The following CLTB variants were observed in gnomAD, a reference collection of about 807,000 sequenced individuals.
CLTB encodes clathrin light chain B, also known as clathrin, light chain (Lcb).
In CLTB, 10 loss-of-function variants were observed where a neutral mutation model predicts 30.5. The observed-to-expected ratio is 0.33, with a 90% CI of 0.20 to 0.56. The LOEUF is 0.56. Ranked by LOEUF, CLTB falls within the 20% of genes least tolerant of loss-of-function variation. The probability of loss-of-function intolerance (pLI) is 0.91; values close to 1 mark genes in which losing one functional copy is unlikely to be tolerated. For synonymous variants in CLTB, 102 were observed against 120.3 expected, an observed-to-expected ratio of 0.85 and a Z score of 1.00; for missense variants, 261 against 308.3, an observed-to-expected ratio of 0.85 and a Z score of 1.15.
intron 2 of CLTB, among the ~76,000 whole-genome samples, chr5:176,409,659 C>T (rs1757326793): frequency 6.6e-6 from 1 of 152,096 alleles, no homozygotes; most frequent in Admixed American, 6.6e-5. Flanking sequence ...CGTGATCCAC[C>T]CACCTCAGCC....
chr5:176,406,528 G>T, intron 2 of CLTB: 1 of 1,258,964 alleles, frequency 7.9e-7, no homozygotes, highest in South Asian at 1.3e-5. Context: ...AAAGGAGGAT[G>T]ATGGGAGTAT....
chr5:176,406,340 G>A, intron 2 of CLTB: 4 of 1,112,164 alleles, frequency 3.6e-6, no homozygotes, highest in Non-Finnish European at 4.4e-6. Context: ...TAGCTCCCTA[G>A]AATCCCTCTC....
At chr5:176,403,638 G>C (rs1295126340) in intron 2 of CLTB, among the ~76,000 whole-genome samples, 1 of 151,704 alleles carries the variant, frequency 6.6e-6, no homozygotes, top group Non-Finnish European at 1.5e-5. Flanking sequence ...ATTTTTAGTA[G>C]AGACAGGGCT....
chr5:176,397,185 T>A (rs1756563634), intron 4 of CLTB, among the ~76,000 whole-genome samples: 1 of 152,098 alleles, frequency 6.6e-6, no homozygotes. Context: ...ATGCAGCAGT[T>A]CCCTAGACAG....
intron 2 of CLTB, among the ~76,000 whole-genome samples, chr5:176,404,475 G>A (rs1284614810): frequency 1.3e-5 from 2 of 152,206 alleles, no homozygotes; most frequent in East Asian, 3.9e-4. Context: ...GTAGTTAAGT[G>A]ACTAGCCCAC....
intron 2 of CLTB, among the ~76,000 whole-genome samples, chr5:176,403,072 C>T (rs1177623229): frequency 1.8e-4 from 24 of 132,900 alleles, no homozygotes; most frequent in African/African-American, 6.4e-4. Context: ...TTTTTTGAGG[C>T]GGAGTCTCGC....
chr5:176,404,097 C>T (rs546550127), intron 2 of CLTB, among the ~76,000 whole-genome samples: 1 of 152,310 alleles, frequency 6.6e-6, no homozygotes, highest in South Asian at 2.1e-4. Flanking sequence ...AACTCTATCT[C>T]CAAAGAGCCA....
intron 2 of CLTB, chr5:176,406,611 T>C (rs975122386): frequency 7.8e-7 from 1 of 1,289,278 alleles, no homozygotes; most frequent in Non-Finnish European, 1.0e-6. Flanking sequence ...TCCCTGCCCC[T>C]GGCTGTGCCA....
At chr5:176,409,550 A>G (rs1757319696) in intron 2 of CLTB, among the ~76,000 whole-genome samples, 1 of 151,666 alleles carries the variant, frequency 6.6e-6, no homozygotes, top group Non-Finnish European at 1.5e-5. Flanking sequence ...AGTAGCTGGA[A>G]TTACAGGCAC....
intron 1 of CLTB, among the ~76,000 whole-genome samples, chr5:176,414,047 C>T (rs1757578071): frequency 6.6e-6 from 1 of 152,220 alleles, no homozygotes; most frequent in Admixed American, 6.5e-5. Flanking sequence ...TGGGAGAGGC[C>T]ACAACCTGCT....
intron 2 of CLTB, among the ~76,000 whole-genome samples, chr5:176,399,259 CAGT>C (rs1221947678): frequency 6.6e-6 from 1 of 152,158 alleles, no homozygotes; most frequent in African/African-American, 2.4e-5. Flanking sequence ...AGCAGATGCT[CAGT>C]AGATGTTTGT....
At position 176,416,297 on chromosome 5, in the gene CLTB, G is replaced by GGTC; in HGVS notation, c.64_66dup (p.Asp22dup). The GGTC allele has an allele frequency of 6.2e-7, 1 of 1,605,426 alleles. No individual in the cohort carries two copies. The highest frequency in any genetic ancestry group is 8.5e-7 in the Non-Finnish European group (1 of 1,177,300). On this transcript the variant is annotated inframe_insertion, in exon 1 of 6. Coordinates refer to ENST00000310418, the MANE Select transcript of CLTB (RefSeq NM_007097.5). ...TGCTGGGCCAGGAAGGCGGCCGCCG[G>GGTC]GTCCTCCTCCGCCGCCTCCGGGGCA...
chr5:176,403,826 C>G (rs1756965315), intron 2 of CLTB, among the ~76,000 whole-genome samples: 1 of 152,160 alleles, frequency 6.6e-6, no homozygotes. Context: ...GTGGCGTGAT[C>G]TCTGCTCGCT....
intron 2 of CLTB, among the ~76,000 whole-genome samples, chr5:176,404,714 G>A (rs369015822): frequency 1.8e-4 from 27 of 152,278 alleles, no homozygotes; most frequent in African/African-American, 6.5e-4. Flanking sequence ...GGCTATGCAG[G>A]GCTCACCCGA....
At chr5:176,397,818 A>T (rs879717555) in intron 3 of CLTB, 100 bp from the exon 4 acceptor site, 14 of 1,461,310 alleles carry the variant, frequency 9.6e-6, no homozygotes, top group Non-Finnish European at 1.3e-5. Flanking sequence ...ACAGGGCCGC[A>T]CCGGCCCAGT....
chr5:176,399,311 T>C (rs1030193170), intron 2 of CLTB, among the ~76,000 whole-genome samples: 10 of 152,212 alleles, frequency 6.6e-5, no homozygotes, highest in Non-Finnish European at 4.4e-5. Context: ...AGCATGATCA[T>C]AGCTCAGATC....
intron 5 of CLTB, among the ~76,000 whole-genome samples, chr5:176,395,371 G>A (rs1414971006): frequency 1.3e-5 from 2 of 152,210 alleles, no homozygotes; most frequent in African/African-American, 4.8e-5. Flanking sequence ...AGCACGGTGA[G>A]GGGGGCGGCC....
At chr5:176,401,383 A>G (rs1358548363) in intron 2 of CLTB, among the ~76,000 whole-genome samples, 1 of 152,198 alleles carries the variant, frequency 6.6e-6, no homozygotes, top group Non-Finnish European at 1.5e-5. Flanking sequence ...CCATCTGACC[A>G]CCACCCAATC....
chr5:176,416,359 G>C lies in CLTB; in HGVS notation c.5C>G (p.Ala2Gly), dbSNP rs1224392732. The change falls in exon 1 of 6, where the codon GCT becomes GGT. Residue 2 changes from alanine (A) to glycine (G), a missense_variant. Physicochemically the swap from Ala to Gly is moderately conservative, Grantham distance 60. Around this residue, in one of 3 missense-constraint regions of CLTB, gnomAD observed 113 missense variants for 102.5 expected, o/e 1.10. Coordinates refer to ENST00000310418, the MANE Select transcript of CLTB (RefSeq NM_007097.5). ...CGACGAGAAGAAGCCAAAGTCATCAGCCATTTTCCCCGCGCCTCCGCCGGA... is the reference window on the plus strand; with the variant it reads ...CGACGAGAAGAAGCCAAAGTCATCACCCATTTTCCCCGCGCCTCCGCCGGA... M[A>G]DDFGFFSSSE... 2 of 1,591,028 alleles carry C rather than the reference G, an allele frequency of 1.3e-6. No individual in the cohort carries two copies. The highest frequency in any genetic ancestry group is 1.7e-6 in the Non-Finnish European group (2 of 1,171,570).
Sources: gnomAD v4.1 joint callset for allele counts (sites outside exome capture counted in the v4.1 genomes callset) on GRCh38, gnomAD v4.1.1 for gene constraint, gnomAD v4.1.1 regional missense constraint, MANE v1.5 for transcripts, NCBI Gene and HGNC (gene_info 2026-07-23, HGNC 2026-07-21) for gene names.